Variants in CATSPERD observed in about 807,000 individuals in gnomAD.
CATSPERD encodes catsper channel auxiliary subunit delta, also known as cation channel sperm-associated auxiliary subunit delta.
A neutral mutation model predicts 98.1 loss-of-function variants in CATSPERD; 86 were observed. That is an observed-to-expected ratio of 0.88 (90% CI 0.74 to 1.05). The LOEUF is 1.05. Among genes scored for constraint, CATSPERD ranks in the 50% least tolerant of loss-of-function variants. The pLI, the probability that CATSPERD is intolerant of heterozygous loss-of-function variation, is 0.00. For synonymous variants in CATSPERD, 394 were observed against 390.2 expected, an observed-to-expected ratio of 1.01 and a Z score of -0.12; for missense variants, 995 against 1,005.7, an observed-to-expected ratio of 0.99 and a Z score of 0.14.
rs1376506767 is a variant in CATSPERD at position 5,768,252 on chromosome 19, C to A, written c.1634+10C>A. 1.2e-6 allele frequency: 2 copies of A among 1,610,410 alleles called. No individual in the cohort carries two copies. The highest frequency in any genetic ancestry group is 1.1e-5 in the South Asian group (1 of 90,760). ...GCTTCATCATCGAGAAGTAAGCCAG[C>A]GTCCCCCCGCAACACCTGACACCCA... On this transcript the variant is annotated intron_variant, in intron 18 of 21. Coordinates refer to ENST00000381624, the MANE Select transcript of CATSPERD (RefSeq NM_152784.4).
intron 10 of CATSPERD, among the ~76,000 whole-genome samples, chr19:5,748,590 T>C (rs1294083570): frequency 4.8e-5 from 6 of 125,024 alleles, no homozygotes; most frequent in Admixed American, 1.0e-4. Context: ...GATCGCACCA[T>C]GGCACTCCAG....
intron 1 of CATSPERD, among the ~76,000 whole-genome samples, chr19:5,722,949 G>C (rs2055523385): frequency 6.6e-6 from 1 of 152,046 alleles, no homozygotes; most frequent in Non-Finnish European, 1.5e-5. Flanking sequence ...AGCACTTTGG[G>C]AGGTGGAGGC....
chr19:5,739,281 G>C (rs1227574430), intron 6 of CATSPERD, 45 bp from the exon 7 acceptor site: 1 of 1,070,800 alleles, frequency 9.3e-7, no homozygotes, highest in Admixed American at 1.9e-5. Flanking sequence ...GAACGTACTT[G>C]CTGGCATCTT....
At chr19:5,751,197 C>CAAAAAAAAAAAAA (rs556079596) in intron 11 of CATSPERD, among the ~76,000 whole-genome samples, 4 of 46,630 alleles carry the variant, frequency 8.6e-5, no homozygotes, top group Non-Finnish European at 1.5e-4. Flanking sequence ...GATTCCGTCT[C>CAAAAAAAAAAAAA]AAAAAAAAAA....
At position 5,720,818 on chromosome 19, in the gene CATSPERD, C is replaced by T. The variant is rs768709192; in HGVS notation, c.71+10C>T. ...CAGCTCAGCTCTGTCGGTGGGGCTG[C>T]CAGGACTCCTGGGGCTGGGGTGCTG... On this transcript the variant is annotated intron_variant, in intron 1 of 21. Coordinates refer to ENST00000381624, the MANE Select transcript of CATSPERD (RefSeq NM_152784.4). 3 of 1,595,782 alleles carry T rather than the reference C, an allele frequency of 1.9e-6. No individual in the cohort carries two copies. Among genetic ancestry groups the T allele is most frequent in the South Asian group, 2.2e-5 (2 of 90,474 alleles).
At chr19:5,746,192 C>A in intron 9 of CATSPERD, 129 bp downstream of exon 9, 1 of 942,486 alleles carries the variant, frequency 1.1e-6, no homozygotes, top group Non-Finnish European at 1.6e-6. Flanking sequence ...CTTCCATGTT[C>A]AGAGTGGACC....
At chr19:5,761,042 GT>G (rs34577823) in intron 15 of CATSPERD, among the ~76,000 whole-genome samples, 108,109 of 146,370 alleles carry the variant, frequency 0.74, 40,842 homozygotes, top group Non-Finnish European at 0.83. Flanking sequence ...TTTTGTTTTT[GT>G]TTTTTTTTTT....
At chr19:5,746,592 C>A (rs965275034) in intron 9 of CATSPERD, among the ~76,000 whole-genome samples, 1 of 151,752 alleles carries the variant, frequency 6.6e-6, no homozygotes, top group Admixed American at 6.6e-5. Flanking sequence ...CCATGCCCGG[C>A]TAATTTTTTT....
At chr19:5,758,691 C>T (rs1036123308) in intron 14 of CATSPERD, among the ~76,000 whole-genome samples, 5 of 151,074 alleles carry the variant, frequency 3.3e-5, no homozygotes, top group South Asian at 2.1e-4. Flanking sequence ...GGCAGTGAGC[C>T]GAGATCGTGT....
chr19:5,761,059 G>A (rs958709372), intron 15 of CATSPERD, among the ~76,000 whole-genome samples: 5 of 149,020 alleles, frequency 3.4e-5, no homozygotes, highest in East Asian at 3.9e-4. Flanking sequence ...TTTTTGAGAC[G>A]AAGTTTCACT....
chr19:5,763,369 C>A, intron 16 of CATSPERD, 76 bp downstream of exon 16: 1 of 1,227,972 alleles, frequency 8.1e-7, no homozygotes, highest in Non-Finnish European at 1.2e-6. Flanking sequence ...CCTGAGGTTG[C>A]AATGAGCTGA....
chr19:5,738,123 A>G (rs1421933923), intron 6 of CATSPERD, among the ~76,000 whole-genome samples: 1 of 151,880 alleles, frequency 6.6e-6, no homozygotes. Context: ...AAACTTAATT[A>G]CTGTCCAGGC....
At chr19:5,766,217 G>A (rs373517823) in intron 17 of CATSPERD, 62 bp downstream of exon 17, 49 of 1,433,382 alleles carry the variant, frequency 3.4e-5, no homozygotes, top group African/African-American at 7.1e-5. Context: ...TTGGGAGGCC[G>A]AGGTGGGCAG....
In CATSPERD at chr19:5,751,718, G is replaced by C. The variant is rs772756295; in HGVS notation, c.1059G>C (p.Leu353=). 2.6e-5 allele frequency: 42 copies of C among 1,613,760 alleles called. No individual in the cohort carries two copies. In the South Asian group the frequency reaches 4.1e-4, roughly 16 times the overall value. The stretch of plus-strand genomic sequence containing the variant: ...GGAGCCCAGGGACTCTGGAAATACT[G>C]ACCCCACTGCGTGACACAGCCTTTC... ...MFRSPGTLEI[L]TPLRDTAFPA... is the part of the protein sequence containing the mutation. The change falls in exon 12 of 22, where the codon CTG becomes CTC. Residue 353 remains leucine, a synonymous_variant. Transcript: ENST00000381624.
intron 20 of CATSPERD, among the ~76,000 whole-genome samples, chr19:5,773,396 G>A (rs1412230081): frequency 6.6e-6 from 1 of 152,180 alleles, no homozygotes; most frequent in Non-Finnish European, 1.5e-5. Flanking sequence ...CTGACCGAAG[G>A]ACGGGAAATG....
intron 21 of CATSPERD, among the ~76,000 whole-genome samples, chr19:5,778,015 C>T (rs1404422917): frequency 6.6e-6 from 1 of 151,804 alleles, no homozygotes; most frequent in African/African-American, 2.4e-5. Flanking sequence ...TCGAGACCAG[C>T]CTGGCCGAGG....
rs934469978 is a variant in CATSPERD at position 5,720,688 on chromosome 19, G to A, written c.-50G>A. On this transcript the variant is annotated 5_prime_UTR_variant, in exon 1 of 22. Transcript: ENST00000381624. ...CCTGCACGTACTCGGATTGTGCAGC[G>A]ACTCCCCGTGGCGGTTGAGGGGCAG... 1.3e-6 allele frequency: 2 copies of A among 1,562,940 alleles called. No individual in the cohort carries two copies. Among genetic ancestry groups the A allele is most frequent in the Non-Finnish European group, 1.7e-6 (2 of 1,146,314 alleles).
intron 7 of CATSPERD, among the ~76,000 whole-genome samples, chr19:5,743,424 C>A (rs1329187890): frequency 6.6e-6 from 1 of 151,882 alleles, no homozygotes; most frequent in East Asian, 1.9e-4. Flanking sequence ...ATGGCGAAAC[C>A]CCGTTTCTAC....
rs762403499 is a variant in CATSPERD at position 5,727,321 on chromosome 19, G to A, written c.180G>A (p.Glu60=). 14 of 1,613,026 alleles carry A rather than the reference G, an allele frequency of 8.7e-6. No individual in the cohort carries two copies. The highest frequency in any genetic ancestry group is 5.0e-5 in the Admixed American group (3 of 59,978). Residue 60 remains glutamate, a synonymous_variant, in exon 3 of 22, where the codon GAG becomes GAA. Transcript: ENST00000381624. The part of the protein sequence containing the change: ...TTTRLIKHPC[E]KNIALYLGKQ... ...CACGCTTGATTAAACATCCTTGCGA[G>A]AAAAATATAGCACTATATCTAGGGT...
Sources: gnomAD v4.1 joint callset for allele counts (sites outside exome capture counted in the v4.1 genomes callset) on GRCh38, gnomAD v4.1.1 for gene constraint, MANE v1.5 for transcripts, NCBI Gene and HGNC (gene_info 2026-07-23, HGNC 2026-07-21) for gene names.